TMTC4: variants seen among roughly 807,000 people sequenced by gnomAD.
TMTC4 encodes transmembrane O-mannosyltransferase targeting cadherins 4.
A neutral mutation model predicts 86.0 loss-of-function variants in TMTC4; 65 were observed. The ratio of observed to expected loss-of-function variants is 0.76; its 90% CI spans 0.62 to 0.93. The LOEUF is 0.93. Among genes scored for constraint, TMTC4 ranks in the 40% least tolerant of loss-of-function variants. The pLI, the probability that TMTC4 is intolerant of heterozygous loss-of-function variation, is 0.00. For synonymous variants in TMTC4, 379 were observed against 382.5 expected (o/e 0.99, Z 0.11); for missense variants, 866 against 948.1 (o/e 0.91, Z 1.14).
chr13:100,632,879 A>C lies in TMTC4; in HGVS notation c.1506+1926T>G, dbSNP rs1036063394. On this transcript the variant is annotated intron_variant, in intron 12 of 18. Transcript: ENST00000342624. ...TAGGCAGCTCTTATGCTGAGGACCT[A>C]AGAGAGAATGATCATTATTTCATGA... Among the ~76,000 whole-genome samples the C allele has an allele frequency of 2.6e-5, 4 of 152,320 alleles. No homozygotes were observed. The East Asian group carries it at 5.8e-4, about 22-fold the overall frequency.
intron 5 of TMTC4, among the ~76,000 whole-genome samples, chr13:100,659,092 T>A (rs1377987664): frequency 2.6e-5 from 4 of 152,164 alleles, no homozygotes; most frequent in Non-Finnish European, 5.9e-5. Flanking sequence ...TCTGGAGAAA[T>A]CACTGCAATC....
intron 6 of TMTC4, among the ~76,000 whole-genome samples, chr13:100,653,795 A>G (rs1041388163): frequency 1.4e-4 from 21 of 152,364 alleles, no homozygotes; most frequent in African/African-American, 3.1e-4. Flanking sequence ...GTGATGATCC[A>G]TAACTCAAAG....
rs757150059 is a variant in TMTC4, at chr13:100,625,861, T to C, written c.1618A>G (p.Asn540Asp). ...CTTTCTTTTAAGATATTTCCAAGAT[T>C]ATTCATGGCATGAACATACTTGGGA... ...LNPKYVHAMN[N>D]LGNILKERNE... The change falls in exon 14 of 19, where the codon AAT (asparagine) becomes GAT (aspartate). Residue 540 changes from asparagine to aspartate, a missense_variant. Coordinates refer to ENST00000342624, the MANE Select transcript of TMTC4 (RefSeq NM_032813.5). 1 of 1,613,788 alleles carries C rather than the reference T, an allele frequency of 6.2e-7. No homozygotes were observed. The highest frequency in any genetic ancestry group is 1.1e-5 in the South Asian group (1 of 91,000).
chr13:100,649,762 A>T (rs940252151), intron 6 of TMTC4, among the ~76,000 whole-genome samples: 18 of 148,770 alleles, frequency 1.2e-4, no homozygotes, highest in Admixed American at 1.1e-3. Flanking sequence ...ATTCTTCTTC[A>T]AAATAAATAA....
At chr13:100,629,090 A>C (rs1035557649) in intron 12 of TMTC4, among the ~76,000 whole-genome samples, 1 of 152,210 alleles carries the variant, frequency 6.6e-6, no homozygotes, top group Non-Finnish European at 1.5e-5. Flanking sequence ...TGGAGGCTGC[A>C]GTGAGGCAAG....
intron 1 of TMTC4, chr13:100,674,404 C>A: frequency 3.2e-6 from 3 of 935,044 alleles, no homozygotes; most frequent in Non-Finnish European, 3.8e-6. Flanking sequence ...GCGCCCGGGC[C>A]GAGGGAGCGC....
At chr13:100,671,280 G>A (rs1478670856) in intron 1 of TMTC4, among the ~76,000 whole-genome samples, 2 of 152,100 alleles carry the variant, frequency 1.3e-5, no homozygotes, top group East Asian at 3.9e-4. Flanking sequence ...CTATAGGAGT[G>A]TGCCACTGAG....
intron 12 of TMTC4, among the ~76,000 whole-genome samples, chr13:100,630,702 G>A (rs973903111): frequency 5.3e-4 from 81 of 152,158 alleles, no homozygotes; most frequent in African/African-American, 1.9e-3. Context: ...CGCCTCTTCC[G>A]CCCCAAGCTC....
chr13:100,656,563 G>A lies in TMTC4; in HGVS notation c.553-95C>T, dbSNP rs1291504242. ...ATAACTTTTTTTTTTTTTTTTTTGC[G>A]ACAGGGTCTCACTCTGCCACCCAGG... On this transcript the variant is annotated intron_variant, in intron 5 of 18. Transcript: ENST00000342624. 18 of 522,528 alleles carry A rather than the reference G, an allele frequency of 3.4e-5. 1 individual carries two copies. The African/African-American group carries it at 4.9e-4, about 14-fold the overall frequency. The allele number at this position is 522,528 out of a possible 1,614,324, so 32.4% of individuals were successfully genotyped here. A position where few individuals can be genotyped will look rare whatever the true frequency, so the allele number is the denominator to read the frequency against.
Position 100,625,408 on chromosome 13 carries a change from G to C in TMTC4, c.1836+127C>G. The C allele has an allele frequency of 1.9e-5, 25 of 1,290,464 alleles. No homozygotes were observed. In the South Asian group the frequency reaches 3.0e-4, roughly 15 times the overall value. The allele number at this position is 1,290,464 out of a possible 1,614,324, so 79.9% of individuals were successfully genotyped here. ...GGAAATCAAATAGCTACCTTCAAAT[G>C]AGATAGAAACATGTGAAAGAACTTT... is the stretch of plus-strand genomic sequence containing the variant. On this transcript the variant is annotated intron_variant, in intron 15 of 18. Transcript: ENST00000342624.
At position 100,616,669 on chromosome 13, in the gene TMTC4, G is replaced by C. The variant is rs544820713; in HGVS notation, c.1837-2239C>G. Among the ~76,000 whole-genome samples, 9 of 152,230 alleles carry C rather than the reference G, an allele frequency of 5.9e-5. No homozygotes were observed. The South Asian group carries it at 1.9e-3, about 32-fold the overall frequency. ...GCATTCCTTTTTCTCCCACAGCCTT[G>C]CCAGTGACTCTTGTTTTTTCACTTT... On this transcript the variant is annotated intron_variant, in intron 15 of 18. Transcript: ENST00000342624.
intron 15 of TMTC4, chr13:100,625,229 G>T: frequency 3.0e-6 from 1 of 332,842 alleles, no homozygotes; most frequent in Non-Finnish European, 5.6e-6. Flanking sequence ...TGTTTATCAG[G>T]AAGTTACCCA....
intron 6 of TMTC4, among the ~76,000 whole-genome samples, chr13:100,646,427 A>G (rs1416673405): frequency 1.3e-5 from 2 of 152,328 alleles, no homozygotes; most frequent in East Asian, 3.9e-4. Flanking sequence ...GCTGTGCATC[A>G]TCTCTCCTGC....
At chr13:100,616,461 A>G (rs1878522453) in intron 15 of TMTC4, among the ~76,000 whole-genome samples, 1 of 152,184 alleles carries the variant, frequency 6.6e-6, no homozygotes, top group Non-Finnish European at 1.5e-5. Flanking sequence ...TCGGACTTCC[A>G]AAGTGCTGGG....
intron 3 of TMTC4, chr13:100,666,194 AAAG>A (rs1566645571): frequency 2.7e-6 from 1 of 369,250 alleles, no homozygotes; most frequent in Admixed American, 3.4e-5. Flanking sequence ...CCACTGTCTC[AAAG>A]AAGATCATCA....
At chr13:100,641,328 G>A (rs1566608101) in intron 7 of TMTC4, among the ~76,000 whole-genome samples, 2 of 152,156 alleles carry the variant, frequency 1.3e-5, no homozygotes, top group African/African-American at 2.4e-5. Context: ...GAACACTTTG[G>A]TTCCAGCGTT....
intron 6 of TMTC4, among the ~76,000 whole-genome samples, chr13:100,642,753 A>G (rs1287524352): frequency 1.3e-5 from 2 of 152,170 alleles, no homozygotes; most frequent in African/African-American, 4.8e-5. Context: ...AATGCCTCTG[A>G]GAATCTCCAC....
At chr13:100,618,120 G>T (rs894585181) in intron 15 of TMTC4, among the ~76,000 whole-genome samples, 12 of 152,056 alleles carry the variant, frequency 7.9e-5, no homozygotes, top group African/African-American at 2.9e-4. Context: ...TTGCATTCTT[G>T]GTTTGGCTCT....
chr13:100,663,241 G>T, intron 4 of TMTC4, 61 bp from the exon 5 acceptor site: 1 of 1,458,706 alleles, frequency 6.9e-7, no homozygotes, highest in Non-Finnish European at 9.6e-7. Context: ...AAATGGCAAA[G>T]GTCTGGAGGA....
Sources: allele counts gnomAD v4.1 joint callset (sites outside exome capture counted in the v4.1 genomes callset), GRCh38; gene constraint gnomAD v4.1.1; transcripts MANE v1.5; gene names NCBI Gene and HGNC (gene_info 2026-07-23, HGNC 2026-07-21).